Variants in ATP10B observed in about 807,000 individuals in gnomAD.
The protein encoded by ATP10B is phospholipid-transporting ATPase VB.
Under a neutral mutation model 141.2 loss-of-function variants are expected in ATP10B, and 122 were observed. The ratio of observed to expected loss-of-function variants is 0.86; its 90% CI spans 0.75 to 1.00. The LOEUF (loss-of-function observed/expected upper bound fraction) is 1.00. Among genes scored for constraint, ATP10B ranks in the 50% least tolerant of loss-of-function variants. The pLI is 0.00. For missense variants in ATP10B, 1,876 were observed against 1,825.3 expected (o/e 1.03, Z -0.51); for synonymous variants, 685 against 692.0 (o/e 0.99, Z 0.16).
the ATP10B span, among the ~76,000 whole-genome samples, chr5:160,864,437 A>C: frequency 2.0e-5 from 3 of 152,080 alleles, no homozygotes; most frequent in Non-Finnish European, 4.4e-5. Context: ...ACCTCAAAGT[A>C]ATAAAAGCCA....
intron 13 of ATP10B, among the ~76,000 whole-genome samples, chr5:160,630,887 C>G (rs1321600021): frequency 6.6e-6 from 1 of 152,194 alleles, no homozygotes; most frequent in African/African-American, 2.4e-5. Context: ...TGACCCAGAA[C>G]AGAGGCTCAC....
At chr5:160,674,994 TC>T (rs1477752378) in intron 6 of ATP10B, among the ~76,000 whole-genome samples, 2 of 152,124 alleles carry the variant, frequency 1.3e-5, no homozygotes, top group African/African-American at 4.8e-5. Flanking sequence ...CAGGACCATA[TC>T]TGTGGAAAAG....
At chr5:160,580,064 A>G (rs577896826) in intron 24 of ATP10B, among the ~76,000 whole-genome samples, 2 of 152,198 alleles carry the variant, frequency 1.3e-5, no homozygotes, top group Non-Finnish European at 2.9e-5. Flanking sequence ...TTTGGGGCTG[A>G]GACAATGGGG....
chr5:160,599,006 C>T (rs1050709348), intron 21 of ATP10B, 36 bp from the exon 22 acceptor site: 24 of 1,602,438 alleles, frequency 1.5e-5, no homozygotes, highest in Non-Finnish European at 1.9e-5. Context: ...GAGTGGGGCT[C>T]CATGTGCAGC....
chr5:160,717,539 G>C (rs569833508), intron 2 of ATP10B, among the ~76,000 whole-genome samples: 7 of 152,264 alleles, frequency 4.6e-5, no homozygotes, highest in East Asian at 3.9e-4. Flanking sequence ...AGCAGTTTTG[G>C]AGAGCACCTG....
At chr5:160,647,202 G>A (rs1760350977) in intron 8 of ATP10B, among the ~76,000 whole-genome samples, 2 of 152,184 alleles carry the variant, frequency 1.3e-5, no homozygotes, top group African/African-American at 4.8e-5. Flanking sequence ...CAGCCTCAGG[G>A]AGCTTCTAAA....
chr5:160,758,354 T>C (rs1267856919), intron 2 of ATP10B, among the ~76,000 whole-genome samples: 3 of 152,166 alleles, frequency 2.0e-5, no homozygotes, highest in South Asian at 2.1e-4. Context: ...CATACAGCCC[T>C]CTGAACAGCA....
chr5:160,612,712 G>T, intron 18 of ATP10B, 29 bp downstream of exon 18: 2 of 1,586,326 alleles, frequency 1.3e-6, no homozygotes, highest in Non-Finnish European at 1.7e-6. Flanking sequence ...GTTGATATCT[G>T]CAGATATCAA....
chr5:160,663,450 T>C (rs1450733220), intron 7 of ATP10B, among the ~76,000 whole-genome samples: 1 of 152,194 alleles, frequency 6.6e-6, no homozygotes, highest in Non-Finnish European at 1.5e-5. Context: ...CATGGAATAC[T>C]ATGCAGCCAT....
At chr5:160,752,022 G>A (rs1454301972) in intron 2 of ATP10B, among the ~76,000 whole-genome samples, 2 of 152,010 alleles carry the variant, frequency 1.3e-5, no homozygotes, top group Admixed American at 6.6e-5. Context: ...AGACGGCTGC[G>A]GCTGCTCATA....
At chr5:160,901,300 A>G in the ATP10B span, among the ~76,000 whole-genome samples, 1 of 152,174 alleles carries the variant, frequency 6.6e-6, no homozygotes, top group Non-Finnish European at 1.5e-5. Flanking sequence ...CTCTTGATAC[A>G]GTGTTAAGAG....
intron 13 of ATP10B, among the ~76,000 whole-genome samples, chr5:160,626,152 T>C (rs1355833181): frequency 6.6e-6 from 1 of 152,278 alleles, no homozygotes; most frequent in African/African-American, 2.4e-5. Context: ...TGCTGACCAT[T>C]GTCCAGACTA....
chr5:160,817,422 T>C (rs2127956303), intron 1 of ATP10B, among the ~76,000 whole-genome samples: 1 of 152,128 alleles, frequency 6.6e-6, no homozygotes, highest in Non-Finnish European at 1.5e-5. Flanking sequence ...GAGAATAAAA[T>C]ACCTAGGAAT....
chr5:160,569,387 C>T (rs1490255551), intron 25 of ATP10B, 109 bp downstream of exon 25: 1 of 1,047,092 alleles, frequency 9.6e-7, no homozygotes, highest in East Asian at 2.6e-5. Flanking sequence ...GAAACATTAG[C>T]CTCAAGGATG....
At chr5:160,810,481 T>G (rs1347672132) in intron 1 of ATP10B, among the ~76,000 whole-genome samples, 1 of 152,192 alleles carries the variant, frequency 6.6e-6, no homozygotes, top group African/African-American at 2.4e-5. Context: ...TTTGTTTATG[T>G]CTAGTGCATG....
chr5:160,717,614 A>C (rs1765738818), intron 2 of ATP10B, among the ~76,000 whole-genome samples: 1 of 152,206 alleles, frequency 6.6e-6, no homozygotes, highest in Admixed American at 6.5e-5. Context: ...GCCTTTCACC[A>C]ATATGAATTT....
intron 1 of ATP10B, among the ~76,000 whole-genome samples, chr5:160,829,968 A>T (rs1379070677): frequency 6.6e-6 from 1 of 151,952 alleles, no homozygotes; most frequent in Non-Finnish European, 1.5e-5. Context: ...GATTGCTCTG[A>T]CTAGGACTTC....
chr5:160,788,360 G>A (rs1419041799), intron 1 of ATP10B, among the ~76,000 whole-genome samples: 15 of 152,130 alleles, frequency 9.9e-5, no homozygotes, highest in Admixed American at 4.6e-4. Context: ...AGGCAACAGC[G>A]GATTTTGAAA....
At chr5:160,690,856 G>C (rs1254374338) in intron 3 of ATP10B, among the ~76,000 whole-genome samples, 1 of 152,064 alleles carries the variant, frequency 6.6e-6, no homozygotes, top group African/African-American at 2.4e-5. Flanking sequence ...CCATTACTGG[G>C]GATATACCCA....
Sources: gnomAD v4.1 joint callset for allele counts (sites outside exome capture counted in the v4.1 genomes callset) on GRCh38, gnomAD v4.1.1 for gene constraint, MANE v1.5 for transcripts, NCBI Gene and HGNC (gene_info 2026-07-23, HGNC 2026-07-21) for gene names.